Variants in GALNT2 observed in about 807,000 individuals in gnomAD.
The protein encoded by GALNT2 is polypeptide N-acetylgalactosaminyltransferase 2.
In GALNT2, 31 loss-of-function variants were observed where a neutral mutation model predicts 81.4. The observed-to-expected ratio is 0.38, with a 90% CI of 0.29 to 0.51. The LOEUF is 0.51. Among genes scored for constraint, GALNT2 ranks in the 20% least tolerant of loss-of-function variants. The pLI is 0.87. For synonymous variants in GALNT2, 303 were observed against 287.4 expected (o/e 1.05, Z -0.55); for missense variants, 629 against 765.7 (o/e 0.82, Z 2.11).
At chr1:230,174,047 G>A (rs1052298912) in intron 1 of GALNT2, among the ~76,000 whole-genome samples, 3 of 152,186 alleles carry the variant, frequency 2.0e-5, no homozygotes, top group Admixed American at 6.5e-5. Flanking sequence ...AAACATGGGC[G>A]AAGCAGGTAG....
chr1:230,202,423 C>G (rs1663919744), intron 2 of GALNT2, among the ~76,000 whole-genome samples: 1 of 152,202 alleles, frequency 6.6e-6, no homozygotes, highest in Non-Finnish European at 1.5e-5. Context: ...TCTTGGAGAA[C>G]CTTGTGCCTG....
chr1:230,220,489 T>G (rs777510855), intron 3 of GALNT2, among the ~76,000 whole-genome samples: 3 of 152,042 alleles, frequency 2.0e-5, no homozygotes, highest in Non-Finnish European at 2.9e-5. Flanking sequence ...CTTGATATCC[T>G]GCAGGGCCTC....
intron 1 of GALNT2, among the ~76,000 whole-genome samples, chr1:230,121,338 C>T (rs1571985711): frequency 1.3e-5 from 2 of 152,232 alleles, no homozygotes; most frequent in South Asian, 2.1e-4. Context: ...GGGGCAGGCT[C>T]CCTGCACTGG....
chr1:230,089,233 G>A (rs1056502988), intron 1 of GALNT2, among the ~76,000 whole-genome samples: 6 of 147,354 alleles, frequency 4.1e-5, no homozygotes, highest in South Asian at 2.3e-4. Context: ...AGCAACCTCC[G>A]CCTCCCGGGT....
At chr1:230,098,839 A>AT (rs1215375116) in intron 1 of GALNT2, among the ~76,000 whole-genome samples, 1 of 152,214 alleles carries the variant, frequency 6.6e-6, no homozygotes, top group East Asian at 1.9e-4. Context: ...TTTAGCCTCC[A>AT]CAAGCACTGA....
intron 1 of GALNT2, among the ~76,000 whole-genome samples, chr1:230,071,715 A>G (rs12240271): frequency 0.27 from 40,870 of 151,900 alleles, 10,087 homozygotes; most frequent in African/African-American, 0.66. Context: ...GTCCACTTCA[A>G]ATGAGAGTTT....
chr1:230,117,739 A>T (rs139043522), intron 1 of GALNT2, among the ~76,000 whole-genome samples: 10 of 152,342 alleles, frequency 6.6e-5, no homozygotes, highest in Non-Finnish European at 1.3e-4. Context: ...AATAGTGACA[A>T]AGTTTGAAAT....
chr1:230,185,413 G>A (rs141437773), intron 2 of GALNT2, among the ~76,000 whole-genome samples: 3 of 152,146 alleles, frequency 2.0e-5, no homozygotes, highest in African/African-American at 7.2e-5. Flanking sequence ...CTTTAGTTGT[G>A]TGGTGTTAAG....
In GALNT2 at chr1:230,258,232, T is replaced by G. The variant is rs192662934; in HGVS notation, c.1136+2888T>G. 2.3e-3 allele frequency among the ~76,000 whole-genome samples: 328 copies of G among 141,510 alleles called. 1 individual carries two copies. The highest frequency in any genetic ancestry group is 8.3e-3 in the African/African-American group (314 of 37,670). 92.8% of individuals were successfully genotyped at this position (141,510 alleles called of 152,430 possible). A position where few individuals can be genotyped will look rare whatever the true frequency, so the allele number is the denominator to read the frequency against. ...GCCCAGCCATTTTTAAACTTTTTGGTTTTTTTTCTTTTTTGAGACGGAGTT... is the reference window on the plus strand; with the variant it reads ...GCCCAGCCATTTTTAAACTTTTTGGGTTTTTTTCTTTTTTGAGACGGAGTT... On this transcript the variant is annotated intron_variant, in intron 11 of 15. Coordinates refer to ENST00000366672, the MANE Select transcript of GALNT2 (RefSeq NM_004481.5).
chr1:230,156,076 G>A (rs2102840937), intron 1 of GALNT2, among the ~76,000 whole-genome samples: 1 of 152,150 alleles, frequency 6.6e-6, no homozygotes, highest in East Asian at 1.9e-4. Context: ...TGTTTTTAGG[G>A]TGGGGAAGAG....
chr1:230,110,930 A>C (rs1257815640), intron 1 of GALNT2, among the ~76,000 whole-genome samples: 1 of 152,118 alleles, frequency 6.6e-6, no homozygotes. Context: ...CTTTAAGTAC[A>C]AGCCACCATT....
At chr1:230,198,866 C>A (rs536069398) in intron 2 of GALNT2, among the ~76,000 whole-genome samples, 1 of 152,158 alleles carries the variant, frequency 6.6e-6, no homozygotes, top group Non-Finnish European at 1.5e-5. Context: ...GCAAACTTTT[C>A]GCAGCCCTTT....
At chr1:230,100,758 G>A (rs6541274) in intron 1 of GALNT2, among the ~76,000 whole-genome samples, 65,088 of 152,082 alleles carry the variant, frequency 0.43, 13,922 homozygotes, top group South Asian at 0.53. Flanking sequence ...GTGAAAATGC[G>A]GGGCTGCTTC....
chr1:230,138,524 C>CA (rs35938447), intron 1 of GALNT2, among the ~76,000 whole-genome samples: 24,988 of 75,270 alleles, frequency 0.33, 2,955 homozygotes, highest in East Asian at 0.53. Context: ...GACTCTGTCT[C>CA]AAAAAAAAAA....
chr1:230,279,375 G>C lies in GALNT2; in HGVS notation c.1633G>C (p.Ala545Pro). The C allele has an allele frequency of 6.2e-7, 1 of 1,614,164 alleles. No individual in the cohort carries two copies. The highest frequency in any genetic ancestry group is 8.5e-7 in the Non-Finnish European group (1 of 1,180,024). The change falls in exon 16 of 16, where the codon GCC (alanine) becomes CCC (proline). Residue 545 changes from alanine to proline, a missense_variant. By Grantham distance (27) the Ala-to-Pro change is conservative. Around this residue, in one of 3 missense-constraint regions of GALNT2, gnomAD observed 207 missense variants for 225.5 expected, o/e 0.92. Transcript: ENST00000366672. This position sits in a 1 kb window ranked among gnomAD's most constrained non-coding sequence, Gnocchi z 4.6. Reference sequence around the variant, plus strand: ...CAACCTGTGCCTGGACAGTCGCACGGCCAAGAGCGGGGGCCTAAGCGTGGA... The same window carrying C: ...CAACCTGTGCCTGGACAGTCGCACGCCCAAGAGCGGGGGCCTAAGCGTGGA... ...GSNLCLDSRT[A>P]KSGGLSVEVC...
In GALNT2 at chr1:230,257,447, T is replaced by C. The variant is rs1166620853; in HGVS notation, c.1136+2103T>C. 1.3e-5 allele frequency among the ~76,000 whole-genome samples: 2 copies of C among 152,238 alleles called. No homozygotes were observed. Among genetic ancestry groups the C allele is most frequent in the Non-Finnish European group, 2.9e-5 (2 of 68,040 alleles). On this transcript the variant is annotated intron_variant, in intron 11 of 15. Coordinates refer to ENST00000366672, the MANE Select transcript of GALNT2 (RefSeq NM_004481.5). This position sits in a 1 kb window ranked among gnomAD's most constrained non-coding sequence, Gnocchi z 4.6. ...TAATACCGTGTGTTTACTCTACCTT[T>C]TCTTTGTTTAGATACACAAATACTT...
At chr1:230,108,038 G>A (rs751275797) in intron 1 of GALNT2, among the ~76,000 whole-genome samples, 9 of 152,224 alleles carry the variant, frequency 5.9e-5, no homozygotes, top group Non-Finnish European at 1.0e-4. Flanking sequence ...CCAGGCTTGG[G>A]CAGACTCATT....
chr1:230,076,387 C>T (rs1443824273), intron 1 of GALNT2, among the ~76,000 whole-genome samples: 1 of 152,178 alleles, frequency 6.6e-6, no homozygotes, highest in Non-Finnish European at 1.5e-5. Context: ...CCCTGGGTCC[C>T]TGTGCACCTT....
At chr1:230,094,004 CTGTG>C (rs59126308) in intron 1 of GALNT2, among the ~76,000 whole-genome samples, 6 of 151,652 alleles carry the variant, frequency 4.0e-5, no homozygotes, top group Non-Finnish European at 8.8e-5. Flanking sequence ...TTTCGTCCAC[CTGTG>C]TGTGTGTGTT....
Sources: allele counts gnomAD v4.1 joint callset (sites outside exome capture counted in the v4.1 genomes callset), GRCh38; gene constraint gnomAD v4.1.1; regional missense constraint gnomAD v4.1.1; non-coding constraint Gnocchi (gnomAD v3.1); transcripts MANE v1.5; gene names NCBI Gene and HGNC (gene_info 2026-07-23, HGNC 2026-07-21).